The following ENOX1 variants were observed in gnomAD, a reference collection of about 807,000 sequenced individuals.
ENOX1 encodes ecto-NOX disulfide-thiol exchanger 1.
In ENOX1, 42 loss-of-function variants were observed where a neutral mutation model predicts 82.5. That is an observed-to-expected ratio of 0.51 (90% confidence interval 0.40 to 0.66). The LOEUF (loss-of-function observed/expected upper bound fraction) is 0.66. Ranked by LOEUF, ENOX1 falls within the 30% of genes least tolerant of loss-of-function variation. ENOX1 has a pLI of 0.00. For missense variants in ENOX1, 608 were observed against 811.6 expected (o/e 0.75, Z 3.05); for synonymous variants, 271 against 282.2 (o/e 0.96, Z 0.40).
intron 5 of ENOX1, among the ~76,000 whole-genome samples, chr13:43,374,355 C>T (rs2051469231): frequency 6.6e-6 from 1 of 151,600 alleles, no homozygotes; most frequent in Non-Finnish European, 1.5e-5. Flanking sequence ...GAGTGATTTT[C>T]CTGCCTCAGC....
At chr13:43,470,174 C>A (rs2153645458) in intron 3 of ENOX1, among the ~76,000 whole-genome samples, 2 of 145,042 alleles carry the variant, frequency 1.4e-5, no homozygotes, top group South Asian at 2.2e-4. Context: ...ATAAAGTTTT[C>A]AAACTATATG....
intron 1 of ENOX1, among the ~76,000 whole-genome samples, chr13:43,680,868 C>T (rs1190036505): frequency 6.6e-6 from 1 of 151,760 alleles, no homozygotes; most frequent in Admixed American, 6.6e-5. Context: ...TTCCAACCTT[C>T]ATCATTATTC....
intron 5 of ENOX1, among the ~76,000 whole-genome samples, chr13:43,376,694 CA>C (rs1224380496): frequency 6.6e-6 from 1 of 152,120 alleles, no homozygotes; most frequent in Non-Finnish European, 1.5e-5. Flanking sequence ...ATCCTAATTC[CA>C]CAGGATAATG....
chr13:43,277,982 C>T (rs907899824), intron 12 of ENOX1, among the ~76,000 whole-genome samples: 12 of 152,030 alleles, frequency 7.9e-5, no homozygotes, highest in Non-Finnish European at 1.5e-5. Flanking sequence ...GCCTGGGCTA[C>T]CTGCCTTGGT....
At chr13:43,231,202 AAT>A (rs1181512106) in intron 15 of ENOX1, among the ~76,000 whole-genome samples, 1 of 152,184 alleles carries the variant, frequency 6.6e-6, no homozygotes, top group Non-Finnish European at 1.5e-5. Context: ...ACCAGCCTGA[AAT>A]AGTCTTGTTT....
At chr13:43,618,055 C>A (rs139877499) in intron 2 of ENOX1, among the ~76,000 whole-genome samples, 1 of 152,188 alleles carries the variant, frequency 6.6e-6, no homozygotes, top group Non-Finnish European at 1.5e-5. Flanking sequence ...CTATTCATGT[C>A]CTTAGCCCAC....
At chr13:43,371,506 A>C (rs1362081981) in intron 5 of ENOX1, among the ~76,000 whole-genome samples, 1 of 152,206 alleles carries the variant, frequency 6.6e-6, no homozygotes, top group Non-Finnish European at 1.5e-5. Context: ...ATGGTAATTC[A>C]CAGCATGTAA....
intron 8 of ENOX1, among the ~76,000 whole-genome samples, chr13:43,353,163 G>A (rs1182836818): frequency 6.6e-6 from 1 of 152,122 alleles, no homozygotes; most frequent in Non-Finnish European, 1.5e-5. Flanking sequence ...AGAACCACTG[G>A]ACAGAAATTC....
At chr13:43,697,818 A>G (rs901144853) in intron 1 of ENOX1, among the ~76,000 whole-genome samples, 1 of 152,222 alleles carries the variant, frequency 6.6e-6, no homozygotes, top group African/African-American at 2.4e-5. Flanking sequence ...CCTGGTTTAC[A>G]GGAGCAAGAC....
intron 3 of ENOX1, among the ~76,000 whole-genome samples, chr13:43,470,377 C>CACATATATATGTATATATATGT (rs1555290142): frequency 0.38 from 9,775 of 25,580 alleles, 2,187 homozygotes; most frequent in Non-Finnish European, 0.53. Flanking sequence ...TATATATATA[C>CACATATATATGTATATATATGT]ATATATATAC....
chr13:43,420,729 G>GC (rs953986815), intron 3 of ENOX1, among the ~76,000 whole-genome samples: 3 of 152,082 alleles, frequency 2.0e-5, no homozygotes, highest in Non-Finnish European at 2.9e-5. Context: ...TCTCTCCTCA[G>GC]CCCCTCCCCA....
intron 1 of ENOX1, among the ~76,000 whole-genome samples, chr13:43,692,498 AAT>A (rs1189194971): frequency 1.3e-5 from 2 of 152,182 alleles, no homozygotes; most frequent in Non-Finnish European, 2.9e-5. Flanking sequence ...ACAATCAACA[AAT>A]AGAGAAAACT....
intron 2 of ENOX1, among the ~76,000 whole-genome samples, chr13:43,609,539 GACA>G (rs2082112881): frequency 6.6e-6 from 1 of 152,082 alleles, no homozygotes; most frequent in Non-Finnish European, 1.5e-5. Context: ...CTCATCTAAT[GACA>G]ACAACCTCAT....
intron 2 of ENOX1, among the ~76,000 whole-genome samples, chr13:43,594,950 C>T (rs773614927): frequency 1.3e-5 from 2 of 151,950 alleles, no homozygotes; most frequent in Non-Finnish European, 2.9e-5. Context: ...CAGGGCTTCT[C>T]TCAGCCCATG....
intron 5 of ENOX1, among the ~76,000 whole-genome samples, chr13:43,371,837 G>A (rs533716547): frequency 6.6e-6 from 1 of 152,234 alleles, no homozygotes; most frequent in Admixed American, 6.5e-5. Context: ...AATAGAGCCT[G>A]TTTTAAAGGT....
At chr13:43,577,777 G>A (rs563090343) in intron 2 of ENOX1, among the ~76,000 whole-genome samples, 1 of 152,256 alleles carries the variant, frequency 6.6e-6, no homozygotes, top group African/African-American at 2.4e-5. Flanking sequence ...GAGGAATATT[G>A]CAGACAGAAA....
chr13:43,545,470 G>C (rs1261627066), intron 2 of ENOX1: 1 of 152,268 alleles, frequency 6.6e-6, no homozygotes, highest in East Asian at 1.9e-4. Flanking sequence ...GGTGGAGGCA[G>C]TGTTAGGATG....
At chr13:43,404,048 C>T (rs1029073499) in intron 5 of ENOX1, among the ~76,000 whole-genome samples, 10 of 152,098 alleles carry the variant, frequency 6.6e-5, no homozygotes, top group Non-Finnish European at 1.2e-4. Flanking sequence ...TCTGCCATCC[C>T]TTTTTGGACA....
intron 2 of ENOX1, among the ~76,000 whole-genome samples, chr13:43,501,773 G>A (rs1254524338): frequency 7.5e-6 from 1 of 133,044 alleles, no homozygotes; most frequent in Non-Finnish European, 1.7e-5. Context: ...GAATTTTATA[G>A]TATAAACACC....
Sources: gnomAD v4.1 joint callset for allele counts (sites outside exome capture counted in the v4.1 genomes callset) on GRCh38, gnomAD v4.1.1 for gene constraint, MANE v1.5 for transcripts, NCBI Gene and HGNC (gene_info 2026-07-23, HGNC 2026-07-21) for gene names.